IQGAP2: variants seen among roughly 807,000 people sequenced by gnomAD.
The protein encoded by IQGAP2 is IQ motif containing GTPase activating protein 2, also known as ras GTPase-activating-like protein IQGAP2.
Under a neutral mutation model 201.3 loss-of-function variants are expected in IQGAP2, and 173 were observed. The observed-to-expected ratio is 0.86, with a 90% CI of 0.76 to 0.98. The LOEUF is 0.98. Ranked by LOEUF, IQGAP2 falls within the 50% of genes least tolerant of loss-of-function variation. IQGAP2 has a pLI of 0.00. For missense variants in IQGAP2, 1,687 were observed against 1,864.8 expected (o/e 0.90, Z 1.76); for synonymous variants, 675 against 673.9 (o/e 1.00, Z -0.03).
chr5:76,473,950 G>A (rs1755268077), intron 2 of IQGAP2, among the ~76,000 whole-genome samples: 2 of 152,210 alleles, frequency 1.3e-5, no homozygotes, highest in South Asian at 2.1e-4. Context: ...AAGGCATAGA[G>A]TGACTTTAGG....
At chr5:76,624,743 A>G (rs191268885) in intron 13 of IQGAP2, among the ~76,000 whole-genome samples, 3 of 152,292 alleles carry the variant, frequency 2.0e-5, no homozygotes, top group Non-Finnish European at 4.4e-5. Context: ...CGTCCCATAA[A>G]TATACTATTA....
intron 1 of IQGAP2, among the ~76,000 whole-genome samples, chr5:76,442,131 A>G (rs948738095): frequency 6.6e-6 from 1 of 152,140 alleles, no homozygotes; most frequent in Admixed American, 6.6e-5. Context: ...ATTAACACAG[A>G]GTTGTCTGAG....
At chr5:76,413,802 A>G (rs1751267048) in intron 1 of IQGAP2, among the ~76,000 whole-genome samples, 1 of 152,182 alleles carries the variant, frequency 6.6e-6, no homozygotes, top group African/African-American at 2.4e-5. Context: ...CTAGATGGGA[A>G]GGAGCTACTT....
chr5:76,578,806 G>A (rs1346653874), intron 5 of IQGAP2, among the ~76,000 whole-genome samples: 4 of 151,954 alleles, frequency 2.6e-5, no homozygotes, highest in African/African-American at 9.7e-5. Context: ...ACTGCGTATG[G>A]CATGTTTTAC....
chr5:76,508,760 T>C (rs1384387918), intron 2 of IQGAP2, among the ~76,000 whole-genome samples: 3 of 151,010 alleles, frequency 2.0e-5, no homozygotes, highest in African/African-American at 4.9e-5. Flanking sequence ...AAATACGAAA[T>C]GGACAAAGAA....
At chr5:76,461,043 T>C (rs1365288037) in intron 1 of IQGAP2, among the ~76,000 whole-genome samples, 1 of 151,646 alleles carries the variant, frequency 6.6e-6, no homozygotes, top group Non-Finnish European at 1.5e-5. Context: ...CACACCTGGC[T>C]AATTTTTTGT....
intron 2 of IQGAP2, among the ~76,000 whole-genome samples, chr5:76,507,489 G>A (rs989049008): frequency 3.9e-5 from 6 of 152,046 alleles, no homozygotes; most frequent in Non-Finnish European, 7.4e-5. Flanking sequence ...TGGCATTGAC[G>A]TTATGTACAA....
At chr5:76,526,897 A>T (rs987529699) in intron 2 of IQGAP2, among the ~76,000 whole-genome samples, 4 of 152,252 alleles carry the variant, frequency 2.6e-5, no homozygotes, top group Non-Finnish European at 4.4e-5. Context: ...ACATGTACCT[A>T]TAGGCCATAA....
intron 1 of IQGAP2, among the ~76,000 whole-genome samples, chr5:76,418,158 G>C (rs1751517541): frequency 7.1e-6 from 1 of 141,756 alleles, no homozygotes; most frequent in African/African-American, 2.7e-5. Context: ...AGTGAGCTGA[G>C]ATTGCGCCAT....
intron 3 of IQGAP2, among the ~76,000 whole-genome samples, chr5:76,569,935 C>A (rs1025534833): frequency 2.0e-5 from 3 of 152,070 alleles, no homozygotes; most frequent in Non-Finnish European, 4.4e-5. Flanking sequence ...ATGGAAGATA[C>A]ACAAAAGCTA....
At chr5:76,524,064 G>A (rs951213432) in intron 2 of IQGAP2, among the ~76,000 whole-genome samples, 11 of 152,168 alleles carry the variant, frequency 7.2e-5, no homozygotes, top group Non-Finnish European at 1.5e-5. Flanking sequence ...GGCATGTGCT[G>A]TGAGATGTGT....
intron 2 of IQGAP2, among the ~76,000 whole-genome samples, chr5:76,553,701 A>T (rs903063588): frequency 2.0e-5 from 3 of 152,192 alleles, no homozygotes; most frequent in African/African-American, 7.2e-5. Context: ...TGCCACAAGT[A>T]GTCCCACCCT....
chr5:76,451,012 A>G (rs143017647), intron 1 of IQGAP2, among the ~76,000 whole-genome samples: 4 of 152,258 alleles, frequency 2.6e-5, no homozygotes, highest in African/African-American at 7.2e-5. Flanking sequence ...ATAGTCTTCT[A>G]ATTGTGTCTG....
chr5:76,533,829 C>T (rs965162776), intron 2 of IQGAP2, among the ~76,000 whole-genome samples: 8 of 152,188 alleles, frequency 5.3e-5, no homozygotes, highest in East Asian at 3.9e-4. Flanking sequence ...TGAGCCACCG[C>T]GCCTGGCTTG....
At position 76,562,395 on chromosome 5, in the gene IQGAP2, G is replaced by T. The variant is rs1375515789; in HGVS notation, c.147-1G>T. ...TAATATTTTTTTTTTAATCTCTTTA[G>T]GTGGATGGAAGTTTGCTTAGTTGAA... is the stretch of plus-strand genomic sequence containing the variant. On this transcript the variant is annotated splice_acceptor_variant, in intron 2 of 35. Transcript: ENST00000274364. LOFTEE classifies it high-confidence loss of function. 1.2e-6 allele frequency: 2 copies of T among 1,608,356 alleles called. No individual in the cohort carries two copies. Among genetic ancestry groups the T allele is most frequent in the Admixed American group, 1.7e-5 (1 of 58,962 alleles).
chr5:76,438,035 G>GTTTTTTTTTT (rs71604291), intron 1 of IQGAP2, among the ~76,000 whole-genome samples: 69 of 68,490 alleles, frequency 1.0e-3, no homozygotes, highest in Non-Finnish European at 1.3e-3. Context: ...TTTTTTGTTT[G>GTTTTTTTTTT]TTTTTTTTTT....
chr5:76,549,505 T>C (rs1459378916), intron 2 of IQGAP2, among the ~76,000 whole-genome samples: 1 of 151,994 alleles, frequency 6.6e-6, no homozygotes, highest in Admixed American at 6.6e-5. Context: ...GTGAGGAATT[T>C]TAGAGGATGA....
intron 13 of IQGAP2, among the ~76,000 whole-genome samples, chr5:76,622,929 C>A (rs566816434): frequency 6.6e-6 from 1 of 152,310 alleles, no homozygotes; most frequent in Non-Finnish European, 1.5e-5. Flanking sequence ...CATCTAAAAT[C>A]TTGAATATGC....
At chr5:76,636,025 T>G (rs1299268905) in intron 15 of IQGAP2, among the ~76,000 whole-genome samples, 2 of 152,216 alleles carry the variant, frequency 1.3e-5, no homozygotes, top group Non-Finnish European at 2.9e-5. Context: ...TTCCTGGGCA[T>G]TGACAAACAG....
Sources: gnomAD v4.1 joint callset for allele counts (sites outside exome capture counted in the v4.1 genomes callset) on GRCh38, gnomAD v4.1.1 for gene constraint, MANE v1.5 for transcripts, NCBI Gene and HGNC (gene_info 2026-07-23, HGNC 2026-07-21) for gene names.